ADGRA2: variants seen among roughly 807,000 people sequenced by gnomAD.
ADGRA2 encodes G-protein coupled receptor 124.
A neutral mutation model predicts 98.7 loss-of-function variants in ADGRA2; 61 were observed. The observed-to-expected ratio is 0.62, with a 90% CI of 0.50 to 0.76. ADGRA2 has a LOEUF of 0.76. Ranked by LOEUF, ADGRA2 falls within the 30% of genes least tolerant of loss-of-function variation. The pLI, the probability that ADGRA2 is intolerant of heterozygous loss-of-function variation, is 0.00. For missense variants in ADGRA2, 1,712 were observed against 1,860.0 expected (o/e 0.92, Z 1.46); for synonymous variants, 858 against 831.5 (o/e 1.03, Z -0.55).
In ADGRA2 at chr8:37,802,211, G is replaced by A. The variant is rs138241656; in HGVS notation, c.266+4677G>A. Among the ~76,000 whole-genome samples the A allele has an allele frequency of 1.8e-4, 28 of 152,316 alleles. 1 individual carries two copies. In the East Asian group the frequency reaches 4.3e-3, roughly 23 times the overall value. On this transcript the variant is annotated intron_variant, in intron 1 of 18. Coordinates refer to ENST00000412232, the MANE Select transcript of ADGRA2 (RefSeq NM_032777.10). This position sits in a 1 kb window ranked among gnomAD's most constrained non-coding sequence, Gnocchi z 4.7. Reference sequence around the variant, plus strand: ...GCTGGGACTCACTTCAGGGCCCCTCGTTACAGCCACCAGGATCCAGTTAGG... The same window carrying A: ...GCTGGGACTCACTTCAGGGCCCCTCATTACAGCCACCAGGATCCAGTTAGG...
chr8:37,831,328 G>C (rs2130015148), intron 7 of ADGRA2, 95 bp from the exon 8 acceptor site: 1 of 1,135,102 alleles, frequency 8.8e-7, no homozygotes, highest in East Asian at 2.4e-5. Context: ...AAAGAAAAAA[G>C]GACCTGCAGC....
In ADGRA2 at chr8:37,797,543, C is replaced by A; in HGVS notation, c.266+9C>A. On this transcript the variant is annotated intron_variant, in intron 1 of 18. Transcript: ENST00000412232. This position sits in a 1 kb window ranked among gnomAD's most constrained non-coding sequence, Gnocchi z 5.3. ...AACGGCACCGTTACCCTGTGAGTAC[C>A]CTACCAGGCCAGTTCCGTCCGAGCC... 1 of 1,379,026 alleles carries A rather than the reference C, an allele frequency of 7.3e-7. No individual in the cohort carries two copies. The highest frequency in any genetic ancestry group is 1.9e-5 in the South Asian group (1 of 51,938). The allele number at this position is 1,379,026 out of a possible 1,614,324, so 85.4% of individuals were successfully genotyped here.
In ADGRA2 at chr8:37,833,843, ACT is replaced by A; in HGVS notation, c.1446+8_1446+9del. On this transcript the variant is annotated splice_region_variant and intron_variant, in intron 10 of 18. Transcript: ENST00000412232. The stretch of plus-strand genomic sequence containing the variant: ...ATGTCGACCAGATCAAAGAGGTGAG[ACT>A]CAGCTGGAACTCAGGAGCTCGGAAA... 1.2e-6 allele frequency: 2 copies of A among 1,613,588 alleles called. No individual in the cohort carries two copies. The highest frequency in any genetic ancestry group is 1.7e-6 in the Non-Finnish European group (2 of 1,179,604).
At chr8:37,811,277 C>A (rs1804825015) in intron 1 of ADGRA2, among the ~76,000 whole-genome samples, 1 of 142,250 alleles carries the variant, frequency 7.0e-6, no homozygotes, top group African/African-American at 2.6e-5. Flanking sequence ...TCAAGAGATT[C>A]TCCTGCCTCA....
intron 13 of ADGRA2, 132 bp from the exon 14 acceptor site, chr8:37,837,599 A>C: frequency 1.3e-6 from 1 of 747,612 alleles, no homozygotes; most frequent in Non-Finnish European, 2.3e-6. Flanking sequence ...GCATGCCCCC[A>C]GCCCAGCACT....
intron 1 of ADGRA2, among the ~76,000 whole-genome samples, chr8:37,807,054 T>C (rs1178422107): frequency 1.3e-5 from 2 of 152,180 alleles, no homozygotes; most frequent in African/African-American, 4.8e-5. Flanking sequence ...CCTCCAGCCC[T>C]GCCTGGACAG....
At position 37,841,478 on chromosome 8, in the gene ADGRA2, G is replaced by C. The variant is rs764845625; in HGVS notation, c.3140G>C (p.Arg1047Pro). Residue 1047 changes from arginine (R) to proline (P), a missense_variant, in exon 19 of 19, where the codon CGG becomes CCG. Transcript: ENST00000412232. The surrounding 1 kb of genome is among the most constrained non-coding windows in gnomAD (Gnocchi z 5.0). ...ALAVSQRWLP[R>P]VVCSCLYGVA... ...GCAGTGTCCCAGCGCTGGCTGCCCC[G>C]GGTGGTGTGCAGCTGCTTGTACGGG... The C allele has an allele frequency of 1.2e-6, 2 of 1,612,986 alleles. No homozygotes were observed. Among genetic ancestry groups the C allele is most frequent in the Middle Eastern group, 1.7e-4 (1 of 6,054 alleles).
chr8:37,827,712 G>C (rs1187985670), intron 2 of ADGRA2, among the ~76,000 whole-genome samples: 2 of 152,206 alleles, frequency 1.3e-5, no homozygotes, highest in Non-Finnish European at 2.9e-5. Flanking sequence ...GAAGGAGGAG[G>C]CTGGACAGGA....
At position 37,829,472 on chromosome 8, in the gene ADGRA2, C is replaced by A; in HGVS notation, c.483-16C>A. ...CACCCTAAGACCCCATCTCAGTTGT[C>A]CCCTGTTCCCTGCAGAAACATATCT... On this transcript the variant is annotated splice_polypyrimidine_tract_variant and intron_variant, in intron 4 of 18. Transcript: ENST00000412232. The A allele has an allele frequency of 1.7e-5, 27 of 1,608,748 alleles. No individual in the cohort carries two copies. Among genetic ancestry groups the A allele is most frequent in the Non-Finnish European group, 2.3e-5 (27 of 1,175,074 alleles).
chr8:37,815,686 T>G (rs903484717), intron 2 of ADGRA2, among the ~76,000 whole-genome samples: 15 of 152,120 alleles, frequency 9.9e-5, no homozygotes, highest in Non-Finnish European at 2.1e-4. Flanking sequence ...GGGGAGAGTG[T>G]TCACGGGGCT....
In ADGRA2 at chr8:37,818,747, A is replaced by C. The variant is rs113119200; in HGVS notation, c.338+3780A>C. Among the ~76,000 whole-genome samples, 390 of 152,292 alleles carry C rather than the reference A, an allele frequency of 2.6e-3. 1 individual carries two copies. Among genetic ancestry groups the C allele is most frequent in the African/African-American group, 9.0e-3 (375 of 41,550 alleles). ...TGATAGGACCCAGAAAATAGCAAAT[A>C]GGTGTGTGGTGTGTCTGGAGGCCTA... On this transcript the variant is annotated intron_variant, in intron 2 of 18. Transcript: ENST00000412232.
In ADGRA2 at chr8:37,841,719, T is replaced by C. The variant is rs921374249; in HGVS notation, c.3381T>C (p.His1127=). The C allele has an allele frequency of 1.9e-6, 3 of 1,542,146 alleles. No individual in the cohort carries two copies. The African/African-American group carries it at 4.1e-5, about 21-fold the overall frequency. The change falls in exon 19 of 19, where the codon CAT becomes CAC. Residue 1127 remains histidine, a synonymous_variant. Transcript: ENST00000412232. The surrounding 1 kb of genome is among the most constrained non-coding windows in gnomAD (Gnocchi z 5.0). ...LKSSPSGSSG[H]PLALGPCKLT... ...CCTCCCCAAGCGGCAGCAGCGGCCA[T>C]CCGCTGGCTCTGGGCCCCTGCAAGC... is the stretch of plus-strand genomic sequence containing the variant.
intron 2 of ADGRA2, among the ~76,000 whole-genome samples, chr8:37,824,052 A>T (rs1035002483): frequency 1.4e-5 from 2 of 147,518 alleles, no homozygotes; most frequent in East Asian, 2.0e-4. Context: ...TTTTTTCGAG[A>T]TGGAGTTTCA....
intron 2 of ADGRA2, 89 bp from the exon 3 acceptor site, chr8:37,828,799 A>G (rs1006940888): frequency 3.0e-6 from 3 of 1,005,662 alleles, no homozygotes; most frequent in African/African-American, 1.6e-5. Flanking sequence ...ACCCAGCAAC[A>G]ACACCGTGGT....
Position 37,841,669 on chromosome 8 carries a change from G to C in ADGRA2, c.3331G>C (p.Gly1111Arg), listed in dbSNP as rs747927631. 1.3e-6 allele frequency: 2 copies of C among 1,528,640 alleles called. No individual in the cohort carries two copies. Among genetic ancestry groups the C allele is most frequent in the Non-Finnish European group, 1.8e-6 (2 of 1,137,444 alleles). 94.7% of individuals were successfully genotyped at this position (1,528,640 alleles called of 1,614,324 possible). A position where few individuals can be genotyped will look rare whatever the true frequency, so the allele number is the denominator to read the frequency against. The change falls in exon 19 of 19, where the codon GGG becomes CGG. Residue 1111 changes from glycine (G) to arginine (R), a missense_variant. Gly to Arg is a moderately radical substitution (Grantham distance 125, BLOSUM62 -2). Coordinates refer to ENST00000412232, the MANE Select transcript of ADGRA2 (RefSeq NM_032777.10). The surrounding 1 kb of genome is among the most constrained non-coding windows in gnomAD (Gnocchi z 5.0). ...CGCAGAGGACGGTTCCCCGGTGTTC[G>C]GGGAGGGCCCCCCCTCCCTCAAGTC... Reference protein sequence around the residue: ...AAAEDGSPVFGEGPPSLKSSP... With the variant: ...AAAEDGSPVFREGPPSLKSSP...
Position 37,839,568 on chromosome 8 carries a change from T to TG in ADGRA2, c.2458dup (p.Ala820GlyfsTer43). 1 of 1,614,132 alleles carries TG rather than the reference T, an allele frequency of 6.2e-7. No homozygotes were observed. The highest frequency in any genetic ancestry group is 8.5e-7 in the Non-Finnish European group (1 of 1,180,002). On this transcript the variant is annotated frameshift_variant, in exon 16 of 19. Coordinates refer to ENST00000412232, the MANE Select transcript of ADGRA2 (RefSeq NM_032777.10). LOFTEE classifies it high-confidence loss of function. Reference sequence around the variant, plus strand: ...TGTGCTTCCACATAGCCATGACCTCTGCTGTCTTTGCGGGGGGCATCACAC... The same window carrying TG: ...TGTGCTTCCACATAGCCATGACCTCTGGCTGTCTTTGCGGGGGGCATCACAC...
In ADGRA2 at chr8:37,814,993, A is replaced by T; in HGVS notation, c.338+26A>T. 1 of 1,525,488 alleles carries T rather than the reference A, an allele frequency of 6.6e-7. No individual in the cohort carries two copies. Among genetic ancestry groups the T allele is most frequent in the Non-Finnish European group, 9.1e-7 (1 of 1,100,346 alleles). 94.5% of individuals were successfully genotyped at this position (1,525,488 alleles called of 1,614,324 possible). A position where few individuals can be genotyped will look rare whatever the true frequency, so the allele number is the denominator to read the frequency against. ...GTAAGTGCTGGGGAAGGTGAGGTGGAGGAGGGGGGTGGCCGTGATGGCAAG... is the reference window on the plus strand; with the variant it reads ...GTAAGTGCTGGGGAAGGTGAGGTGGTGGAGGGGGGTGGCCGTGATGGCAAG... On this transcript the variant is annotated intron_variant, in intron 2 of 18. Coordinates refer to ENST00000412232, the MANE Select transcript of ADGRA2 (RefSeq NM_032777.10). The surrounding 1 kb of genome is among the most constrained non-coding windows in gnomAD (Gnocchi z 4.3).
intron 2 of ADGRA2, 26 bp from the exon 3 acceptor site, chr8:37,828,862 G>A: frequency 6.3e-7 from 1 of 1,583,934 alleles, no homozygotes; most frequent in Non-Finnish European, 8.6e-7. Context: ...GGAGAGGTGT[G>A]AGGGCCTCTG....
intron 1 of ADGRA2, among the ~76,000 whole-genome samples, chr8:37,800,949 A>T (rs908960007): frequency 1.3e-5 from 2 of 151,924 alleles, no homozygotes; most frequent in Admixed American, 1.3e-4. Flanking sequence ...CCCATGGAAG[A>T]CCCTTTTTTT....
Sources: allele counts gnomAD v4.1 joint callset (sites outside exome capture counted in the v4.1 genomes callset), GRCh38; gene constraint gnomAD v4.1.1; non-coding constraint Gnocchi (gnomAD v3.1); transcripts MANE v1.5; gene names NCBI Gene and HGNC (gene_info 2026-07-23, HGNC 2026-07-21).